TBC1D1: variants seen among roughly 807,000 people sequenced by gnomAD.
TBC1D1 encodes TBC1 (tre-2/USP6, BUB2, cdc16) domain family, member 1.
TBC1D1 carries 89 observed loss-of-function variants against 125.6 expected under a neutral mutation model. That is an observed-to-expected ratio of 0.71 (90% CI 0.60 to 0.85). TBC1D1 has a LOEUF of 0.85. Ranked by LOEUF, TBC1D1 falls within the 40% of genes least tolerant of loss-of-function variation. The pLI, the probability that TBC1D1 is intolerant of heterozygous loss-of-function variation, is 0.00. For missense variants in TBC1D1, 1,377 were observed against 1,469.2 expected, an observed-to-expected ratio of 0.94 and a Z score of 1.03; for synonymous variants, 565 against 564.1, an observed-to-expected ratio of 1.00 and a Z score of -0.02.
intron 12 of TBC1D1, among the ~76,000 whole-genome samples, chr4:38,072,603 T>TA (rs144728138): frequency 0.014 from 2,128 of 152,188 alleles, 63 homozygotes; most frequent in African/African-American, 0.049. Flanking sequence ...AGTATAGATT[T>TA]AAAAAAAATT....
chr4:38,111,448 A>G (rs994678160), intron 15 of TBC1D1, among the ~76,000 whole-genome samples: 6 of 152,234 alleles, frequency 3.9e-5, no homozygotes, highest in South Asian at 2.1e-4. Context: ...TTTGATTCGT[A>G]TTTATTTTTA....
At chr4:38,097,417 G>A (rs893200184) in intron 14 of TBC1D1, among the ~76,000 whole-genome samples, 3 of 150,754 alleles carry the variant, frequency 2.0e-5, no homozygotes, top group African/African-American at 7.3e-5. Context: ...TCAGCTCACT[G>A]CAAGCTCTGC....
At chr4:38,056,186 T>C (rs1458439913) in intron 12 of TBC1D1, among the ~76,000 whole-genome samples, 1 of 152,202 alleles carries the variant, frequency 6.6e-6, no homozygotes, top group East Asian at 1.9e-4. Flanking sequence ...TTTGCATCTG[T>C]TTCCTGCCCT....
In TBC1D1 at chr4:38,052,480, C is replaced by T. The variant is rs1211339129; in HGVS notation, c.1911-1719C>T. ...CCGAGTAGCTGGGACTACAGGCACA[C>T]GCCACCATGCCCGGCTAATATTTTT... On this transcript the variant is annotated intron_variant, in intron 11 of 19. Coordinates refer to ENST00000261439, the MANE Select transcript of TBC1D1 (RefSeq NM_015173.4). 2.6e-5 allele frequency among the ~76,000 whole-genome samples: 4 copies of T among 151,384 alleles called. No individual in the cohort carries two copies. In the South Asian group the frequency reaches 8.3e-4, roughly 32 times the overall value.
chr4:37,968,731 T>A (rs1315530158), intron 2 of TBC1D1, among the ~76,000 whole-genome samples: 1 of 152,184 alleles, frequency 6.6e-6, no homozygotes, highest in Non-Finnish European at 1.5e-5. Context: ...CCGGCATGAT[T>A]TAAAATGTGA....
chr4:37,931,564 G>A (rs1358928808), intron 2 of TBC1D1, among the ~76,000 whole-genome samples: 2 of 151,742 alleles, frequency 1.3e-5, no homozygotes, highest in Non-Finnish European at 2.9e-5. Flanking sequence ...TGCAACCTCC[G>A]CCTCCCGGGT....
chr4:37,963,432 C>A (rs1187734828), intron 2 of TBC1D1, among the ~76,000 whole-genome samples: 2 of 152,040 alleles, frequency 1.3e-5, no homozygotes, highest in Admixed American at 6.6e-5. Context: ...GTGGGCGGAC[C>A]ACTGGAGGCC....
intron 12 of TBC1D1, among the ~76,000 whole-genome samples, chr4:38,064,958 T>G (rs1275823067): frequency 6.7e-6 from 1 of 149,826 alleles, no homozygotes; most frequent in Admixed American, 6.7e-5. Context: ...TGAGATGGAG[T>G]CTTGCTCTGT....
chr4:37,970,174 C>T lies in TBC1D1; in HGVS notation c.418-44335C>T, dbSNP rs79949804. Among the ~76,000 whole-genome samples, 547 of 152,298 alleles carry T rather than the reference C, an allele frequency of 3.6e-3. 5 individuals are homozygous for T. The highest frequency in any genetic ancestry group is 0.011 in the African/African-American group (476 of 41,544). On this transcript the variant is annotated intron_variant, in intron 2 of 19. Coordinates refer to ENST00000261439, the MANE Select transcript of TBC1D1 (RefSeq NM_015173.4). ...AGTTGAAGGGCAGCTGGGTTGTTTC[C>T]ACTCTTGGGAGTTGTGCTGCTGTGC... is the stretch of plus-strand genomic sequence containing the variant.
At chr4:37,980,464 C>T (rs1734133177) in intron 2 of TBC1D1, among the ~76,000 whole-genome samples, 1 of 152,196 alleles carries the variant, frequency 6.6e-6, no homozygotes, top group African/African-American at 2.4e-5. Flanking sequence ...TCTACTGTTT[C>T]TATGCCTCCA....
At chr4:38,129,921 AT>A (rs940071831) in intron 18 of TBC1D1, among the ~76,000 whole-genome samples, 79 of 152,358 alleles carry the variant, frequency 5.2e-4, no homozygotes, top group African/African-American at 1.7e-3. Flanking sequence ...GTGCACATTG[AT>A]TAGTGGCTGT....
chr4:38,004,722 G>T (rs1739751617), intron 2 of TBC1D1, among the ~76,000 whole-genome samples: 1 of 152,160 alleles, frequency 6.6e-6, no homozygotes, highest in Non-Finnish European at 1.5e-5. Flanking sequence ...CAACAGAAAA[G>T]CCAGATTGTT....
intron 15 of TBC1D1, among the ~76,000 whole-genome samples, chr4:38,104,252 G>T (rs1012428934): frequency 6.6e-6 from 1 of 151,702 alleles, no homozygotes; most frequent in Non-Finnish European, 1.5e-5. Context: ...CTTGAGCACC[G>T]TGGATTTTGG....
At chr4:38,020,978 T>C (rs1252968017) in intron 5 of TBC1D1, 2 of 275,392 alleles carry the variant, frequency 7.3e-6, no homozygotes, top group East Asian at 1.6e-4. Context: ...TTTGCCTTTT[T>C]TCTCAGTAGT....
intron 12 of TBC1D1, among the ~76,000 whole-genome samples, chr4:38,088,854 C>G (rs1295616581): frequency 6.6e-6 from 1 of 152,146 alleles, no homozygotes; most frequent in Non-Finnish European, 1.5e-5. Flanking sequence ...AGCAGCCTGT[C>G]TCCAGAACCT....
chr4:37,926,909 G>C (rs1395484456), intron 2 of TBC1D1, among the ~76,000 whole-genome samples: 1 of 152,136 alleles, frequency 6.6e-6, no homozygotes, highest in Non-Finnish European at 1.5e-5. Flanking sequence ...TTGAGGCCAG[G>C]AGTTCAAGAT....
chr4:37,930,077 G>C lies in TBC1D1; in HGVS notation c.417+27565G>C, dbSNP rs532918720. Among the ~76,000 whole-genome samples, 7 of 152,260 alleles carry C rather than the reference G, an allele frequency of 4.6e-5. No homozygotes were observed. In the South Asian group the frequency reaches 1.5e-3, roughly 32 times the overall value. ...ACATGAATGGAAAGTTGACAGCAAC[G>C]TGGTTTACAGTAGCCCAAAACTGGA... is the stretch of plus-strand genomic sequence containing the variant. On this transcript the variant is annotated intron_variant, in intron 2 of 19. Transcript: ENST00000261439.
intron 19 of TBC1D1, 101 bp from the exon 22 acceptor site, chr4:38,137,034 T>G: frequency 6.4e-7 from 1 of 1,573,240 alleles, no homozygotes; most frequent in Non-Finnish European, 8.7e-7. Context: ...CTGCTGAAAC[T>G]CGGCTCCAGA....
Position 38,054,180 on chromosome 4 carries a change from A to G in TBC1D1, c.1911-19A>G, listed in dbSNP as rs960650605. 3 of 1,612,246 alleles carry G rather than the reference A, an allele frequency of 1.9e-6. No homozygotes were observed. The highest frequency in any genetic ancestry group is 2.5e-6 in the Non-Finnish European group (3 of 1,178,418). ...AATTCCTCCCCACTAGTCATAAATCAATCATCTTATAATTTTAGGGACTTT... is the reference window on the plus strand; with the variant it reads ...AATTCCTCCCCACTAGTCATAAATCGATCATCTTATAATTTTAGGGACTTT... On this transcript the variant is annotated intron_variant, in intron 11 of 19. Coordinates refer to ENST00000261439, the MANE Select transcript of TBC1D1 (RefSeq NM_015173.4).
Sources: allele counts gnomAD v4.1 joint callset (sites outside exome capture counted in the v4.1 genomes callset), GRCh38; gene constraint gnomAD v4.1.1; transcripts MANE v1.5; gene names NCBI Gene and HGNC (gene_info 2026-07-23, HGNC 2026-07-21).